GRIA3: variants seen among roughly 807,000 people sequenced by gnomAD.
The protein encoded by GRIA3 is glutamate ionotropic receptor AMPA type subunit 3, also known as glutamate receptor 3.
GRIA3 carries 3 observed loss-of-function variants against 63.0 expected under a neutral mutation model. That is an observed-to-expected ratio of 0.05 (90% CI 0.02 to 0.12). The LOEUF (loss-of-function observed/expected upper bound fraction) is 0.12, where lower values mean the gene tolerates loss of function less well. GRIA3 is among the 10% of genes least tolerant of loss of function. The pLI is 1.00. For missense variants in GRIA3, 347 were observed against 700.9 expected, an observed-to-expected ratio of 0.50 and a Z score of 5.70; for synonymous variants, 274 against 257.9, an observed-to-expected ratio of 1.06 and a Z score of -0.60.
chrX:123,416,993 T>C (rs1226685277), intron 10 of GRIA3, among the ~76,000 whole-genome samples: 3 of 112,467 alleles, frequency 2.7e-5, no homozygotes, highest in African/African-American at 9.7e-5. Flanking sequence ...TAGGATATTA[T>C]GCCTGCTCCA....
intron 2 of GRIA3, among the ~76,000 whole-genome samples, chrX:123,243,966 T>G (rs1302653010): frequency 1.8e-5 from 2 of 112,789 alleles, no homozygotes; most frequent in Non-Finnish European, 3.7e-5. Context: ...AAGGATGATT[T>G]ACATTTACAT....
chrX:123,398,705 C>A lies in GRIA3; in HGVS notation c.982C>A (p.Arg328=). 1 of 1,205,965 alleles carries A rather than the reference C, an allele frequency of 8.3e-7. No homozygotes were observed. The highest frequency in any genetic ancestry group is 1.1e-6 in the Non-Finnish European group (1 of 890,666). ...AGCTTTCCGCTACCTGAGGAGGCAG[C>A]GAGTAGATGTGTCCCGGAGAGGAAG... is the stretch of plus-strand genomic sequence containing the variant. ...AEAFRYLRRQ[R]VDVSRRGSAG... is the part of the protein sequence containing the mutation. The change falls in exon 7 of 16, where the codon CGA becomes AGA. Residue 328 remains arginine, a synonymous_variant. Transcript: ENST00000620443.
chrX:123,443,157 T>C (rs1437242677), intron 12 of GRIA3, among the ~76,000 whole-genome samples: 3 of 112,041 alleles, frequency 2.7e-5, no homozygotes, highest in Non-Finnish European at 5.6e-5. Flanking sequence ...AAGATCTCTA[T>C]AGGGAAGCTC....
chrX:123,288,152 A>T (rs753301795), intron 3 of GRIA3, among the ~76,000 whole-genome samples: 1 of 112,512 alleles, frequency 8.9e-6, no homozygotes, highest in African/African-American at 3.2e-5. Context: ...CCTGAGAAAA[A>T]CAAGCAATGG....
In GRIA3 at chrX:123,326,027, A is replaced by G; in HGVS notation, c.510A>G (p.Gly170=). The G allele has an allele frequency of 8.3e-7, 1 of 1,204,735 alleles. No homozygotes were observed. The highest frequency in any genetic ancestry group is 1.1e-6 in the Non-Finnish European group (1 of 889,383). ...KFVYLYDTER[G]FSILQAIMEA... is the part of the protein sequence containing the mutation. Reference sequence around the variant, plus strand: ...TGAAGCTGTTTTTCCTTCCTTCAGGATTTTCCATCCTCCAAGCGATTATGG... The same window carrying G: ...TGAAGCTGTTTTTCCTTCCTTCAGGGTTTTCCATCCTCCAAGCGATTATGG... The change falls in exon 4 of 16, where the codon GGA becomes GGG. Residue 170 remains glycine (G), a splice_region_variant and synonymous_variant. Coordinates refer to ENST00000620443, the MANE Select transcript of GRIA3 (RefSeq NM_007325.5).
intron 3 of GRIA3, among the ~76,000 whole-genome samples, chrX:123,283,800 AGGGGTGGCT>A (rs1001399096): frequency 8.9e-6 from 1 of 112,680 alleles, no homozygotes; most frequent in African/African-American, 3.2e-5. Flanking sequence ...ACCTGGAGGA[AGGGGTGGCT>A]GTGGGCACAG....
At chrX:123,296,714 A>C (rs887000944) in intron 3 of GRIA3, among the ~76,000 whole-genome samples, 2 of 111,567 alleles carry the variant, frequency 1.8e-5, no homozygotes, top group African/African-American at 6.5e-5. Context: ...GGACATGCAA[A>C]GTCCACTTAG....
chrX:123,462,666 C>G (rs754596512), intron 12 of GRIA3, among the ~76,000 whole-genome samples: 1 of 111,330 alleles, frequency 9.0e-6, no homozygotes, highest in African/African-American at 3.3e-5. Context: ...AAGTTCCAGC[C>G]CCCCCTGGAA....
intron 12 of GRIA3, among the ~76,000 whole-genome samples, chrX:123,437,585 T>G (rs1234162307): frequency 2.7e-5 from 3 of 111,585 alleles, no homozygotes; most frequent in African/African-American, 9.8e-5. Flanking sequence ...AGAAAACCAC[T>G]GTGGCTGAAG....
At chrX:123,273,171 T>C (rs5909981) in intron 3 of GRIA3, among the ~76,000 whole-genome samples, 43,080 of 110,430 alleles carry the variant, frequency 0.39, 7,721 homozygotes, top group African/African-American at 0.7. Flanking sequence ...ATAAGCCCGA[T>C]GGCAGCACCC....
chrX:123,235,074 C>T (rs956029296), intron 2 of GRIA3, among the ~76,000 whole-genome samples: 19 of 111,592 alleles, frequency 1.7e-4, no homozygotes, highest in Non-Finnish European at 1.3e-4. Context: ...AAATTTGGAA[C>T]AGTGTACAAA....
intron 3 of GRIA3, among the ~76,000 whole-genome samples, chrX:123,285,408 C>G (rs1473396208): frequency 1.8e-5 from 2 of 109,582 alleles, no homozygotes; most frequent in East Asian, 5.7e-4. Context: ...CAATATTACC[C>G]TTAAATGTAA....
intron 4 of GRIA3, among the ~76,000 whole-genome samples, chrX:123,343,406 C>T (rs1448776594): frequency 9.0e-6 from 1 of 111,229 alleles, no homozygotes; most frequent in East Asian, 2.8e-4. Flanking sequence ...TGTTCAGTGC[C>T]CATCCTTTCA....
chrX:123,232,890 G>A (rs1447938669), intron 2 of GRIA3, among the ~76,000 whole-genome samples: 1 of 110,753 alleles, frequency 9.0e-6, no homozygotes, highest in Non-Finnish European at 1.9e-5. Context: ...AGGTGAGAAA[G>A]CTGAGCCTTT....
intron 3 of GRIA3, among the ~76,000 whole-genome samples, chrX:123,267,200 T>C (rs1175416711): frequency 8.9e-6 from 1 of 111,919 alleles, no homozygotes; most frequent in Non-Finnish European, 1.9e-5. Flanking sequence ...TACAGGAACA[T>C]TGAGGAGCTA....
intron 3 of GRIA3, among the ~76,000 whole-genome samples, chrX:123,272,339 T>C (rs2044528933): frequency 9.0e-6 from 1 of 111,553 alleles, no homozygotes; most frequent in African/African-American, 3.3e-5. Context: ...CTAGGGAGAA[T>C]AGTGGCTACC....
At chrX:123,216,726 A>G (rs1335432521) in intron 2 of GRIA3, among the ~76,000 whole-genome samples, 1 of 112,134 alleles carries the variant, frequency 8.9e-6, no homozygotes, top group Non-Finnish European at 1.9e-5. Context: ...TAGCACAGAT[A>G]TTGTTTCTAA....
At chrX:123,310,560 C>G (rs1301049008) in intron 3 of GRIA3, among the ~76,000 whole-genome samples, 1 of 113,269 alleles carries the variant, frequency 8.8e-6, no homozygotes, top group African/African-American at 3.2e-5. Flanking sequence ...CAGCTCTAGA[C>G]AAAGTGTTAA....
At chrX:123,317,507 A>C (rs2044839654) in intron 3 of GRIA3, among the ~76,000 whole-genome samples, 1 of 112,324 alleles carries the variant, frequency 8.9e-6, no homozygotes, top group South Asian at 3.7e-4. Flanking sequence ...TTGTAAATAC[A>C]GCCATTCCAA....
Sources: allele counts gnomAD v4.1 joint callset (sites outside exome capture counted in the v4.1 genomes callset), GRCh38; gene constraint gnomAD v4.1.1; transcripts MANE v1.5; gene names NCBI Gene and HGNC (gene_info 2026-07-23, HGNC 2026-07-21).